The following BAHD1 variants were observed in gnomAD, a reference collection of about 807,000 sequenced individuals.
The protein encoded by BAHD1 is bromo adjacent homology domain containing 1.
In BAHD1, 20 loss-of-function variants were observed where a neutral mutation model predicts 63.1. The ratio of observed to expected loss-of-function variants is 0.32; its 90% CI spans 0.22 to 0.46. The LOEUF (loss-of-function observed/expected upper bound fraction) is 0.46. Among genes scored for constraint, BAHD1 ranks in the 20% least tolerant of loss-of-function variants. The pLI is 1.00. For synonymous variants in BAHD1, 408 were observed against 426.8 expected (o/e 0.96, Z 0.54); for missense variants, 939 against 1,071.8 (o/e 0.88, Z 1.73).
chr15:40,440,675 C>A (rs973113428), upstream of BAHD1, among the ~76,000 whole-genome samples: 6 of 152,134 alleles, frequency 3.9e-5, no homozygotes, highest in Non-Finnish European at 7.4e-5. Context: ...CAAAGAAAAT[C>A]ACCCCTTGCC....
In BAHD1 at chr15:40,459,302, G is replaced by C. The variant is rs1477710315; in HGVS notation, c.838G>C (p.Asp280His). 6.2e-7 allele frequency: 1 copy of C among 1,613,050 alleles called. No individual in the cohort carries two copies. The highest frequency in any genetic ancestry group is 1.7e-5 in the Admixed American group (1 of 60,024). The change falls in exon 2 of 7, where the codon GAT becomes CAT. Residue 280 changes from aspartate to histidine, a missense_variant. By Grantham distance (81) the Asp-to-His change is moderately conservative. This residue lies in a region of BAHD1 where 797 missense variants were observed against 813.3 expected (regional missense o/e 0.98). Coordinates refer to ENST00000416165, the MANE Select transcript of BAHD1 (RefSeq NM_014952.5). ...CCCACCTGGCTGGCAAGGCTGCCCTGATGAACCATGGCCATCTGCAACTCC... is the reference window on the plus strand; with the variant it reads ...CCCACCTGGCTGGCAAGGCTGCCCTCATGAACCATGGCCATCTGCAACTCC... ...AGPPGWQGCP[D>H]EPWPSATPCG...
At chr15:40,456,675 G>A (rs1300253831) in intron 1 of BAHD1, among the ~76,000 whole-genome samples, 1 of 152,254 alleles carries the variant, frequency 6.6e-6, no homozygotes, top group Non-Finnish European at 1.5e-5. Flanking sequence ...AAAGATTCAG[G>A]AATCCCTGGG....
At chr15:40,455,431 G>A (rs1893820390) in intron 1 of BAHD1, among the ~76,000 whole-genome samples, 1 of 152,176 alleles carries the variant, frequency 6.6e-6, no homozygotes, top group East Asian at 1.9e-4. Context: ...TGTAGTCAAG[G>A]CACTGACTCC....
In BAHD1 at chr15:40,448,228, C is replaced by A. The variant is rs186784553; in HGVS notation, c.-15+6960C>A. ...CTGCACTCTAGCCTGGATGACAGAG[C>A]AAGACTCCATCTCAAAAAAAAAAAA... is the stretch of plus-strand genomic sequence containing the variant. On this transcript the variant is annotated intron_variant, in intron 1 of 6. Coordinates refer to ENST00000416165, the MANE Select transcript of BAHD1 (RefSeq NM_014952.5). Among the ~76,000 whole-genome samples the A allele has an allele frequency of 7.3e-3, 1,080 of 148,120 alleles. 11 individuals are homozygous for A. The highest frequency in any genetic ancestry group is 0.025 in the African/African-American group (1,002 of 40,038).
Position 40,459,903 on chromosome 15 carries a change from C to T in BAHD1, c.1432+7C>T. On this transcript the variant is annotated splice_region_variant and intron_variant, in intron 2 of 6. Coordinates refer to ENST00000416165, the MANE Select transcript of BAHD1 (RefSeq NM_014952.5). The stretch of plus-strand genomic sequence containing the variant: ...AAAATGCCTTTTGCAGCAGGTGAGG[C>T]TTCCTGGGCCCAAGATGTACTGGGG... 2 of 1,567,358 alleles carry T rather than the reference C, an allele frequency of 1.3e-6. No individual in the cohort carries two copies.
At chr15:40,441,707 G>A (rs1334273864) in intron 1 of BAHD1, among the ~76,000 whole-genome samples, 1 of 148,700 alleles carries the variant, frequency 6.7e-6, no homozygotes, top group Non-Finnish European at 1.5e-5. Flanking sequence ...GAGTGCGCGG[G>A]CGGCGAGGCC....
intron 2 of BAHD1, 145 bp from the exon 3 acceptor site, chr15:40,461,767 C>T (rs1490359621): frequency 1.1e-6 from 1 of 938,106 alleles, no homozygotes; most frequent in Non-Finnish European, 1.5e-6. Context: ...TCTGACAGTC[C>T]ACCATAAAAA....
chr15:40,462,013 C>T lies in BAHD1; in HGVS notation c.1534C>T (p.Pro512Ser). 3 of 1,613,796 alleles carry T rather than the reference C, an allele frequency of 1.9e-6. No individual in the cohort carries two copies. Among genetic ancestry groups the T allele is most frequent in the Non-Finnish European group, 2.5e-6 (3 of 1,179,990 alleles). The change falls in exon 3 of 7, where the codon CCA becomes TCA. Residue 512 changes from proline (P) to serine (S), a missense_variant. Physicochemically the swap from Pro to Ser is moderately conservative, Grantham distance 74. Coordinates refer to ENST00000416165, the MANE Select transcript of BAHD1 (RefSeq NM_014952.5). ...PLLGCPVPSV[P>S]PAAEPVPHLQ... ...CCTGGGGTGCCCTGTACCCAGTGTG[C>T]CACCTGCAGCAGAGCCCGTCCCCCA...
intron 1 of BAHD1, among the ~76,000 whole-genome samples, chr15:40,456,656 C>T (rs983607871): frequency 6.6e-6 from 1 of 152,260 alleles, no homozygotes; most frequent in African/African-American, 2.4e-5. Context: ...GCCATGGGAG[C>T]TAACAGGGAA....
At chr15:40,453,661 TA>T (rs1893768419) in intron 1 of BAHD1, 1 of 152,080 alleles carries the variant, frequency 6.6e-6, no homozygotes, top group Admixed American at 6.6e-5. Flanking sequence ...TCATTAAAAA[TA>T]AACCGGGCTA....
At chr15:40,463,839 G>T (rs750858648) in intron 3 of BAHD1, 22 bp from the exon 4 acceptor site, 1 of 1,613,620 alleles carries the variant, frequency 6.2e-7, no homozygotes, top group Non-Finnish European at 8.5e-7. Flanking sequence ...AAGCCTATTT[G>T]TGTCATTGGT....
chr15:40,463,519 T>C (rs1234297747), intron 3 of BAHD1, among the ~76,000 whole-genome samples: 1 of 152,228 alleles, frequency 6.6e-6, no homozygotes, highest in African/African-American at 2.4e-5. Flanking sequence ...GTGCCCCTTA[T>C]AACAGTGGTT....
At chr15:40,449,948 G>A (rs1893655768) in intron 1 of BAHD1, among the ~76,000 whole-genome samples, 1 of 152,342 alleles carries the variant, frequency 6.6e-6, no homozygotes, top group South Asian at 2.1e-4. Context: ...GACTCCTGGG[G>A]ATGGAGGAGA....
rs1017631350 is a variant in BAHD1 at position 40,465,889 on chromosome 15, T to A, written c.2154-52T>A. ...TAGGGTAGGGTAGGGAAGGAATTGG[T>A]CTTCCTGCAAAAGTGGCTGGAGTAA... On this transcript the variant is annotated intron_variant, in intron 6 of 6. Transcript: ENST00000416165. 9.2e-6 allele frequency: 14 copies of A among 1,517,560 alleles called. No homozygotes were observed. In the Admixed American group the frequency reaches 3.0e-4, roughly 33 times the overall value. The allele number at this position is 1,517,560 out of a possible 1,614,324, so 94.0% of individuals were successfully genotyped here. A position where few individuals can be genotyped will look rare whatever the true frequency, so the allele number is the denominator to read the frequency against.
chr15:40,465,570 G>A (rs549241276), intron 6 of BAHD1, 135 bp downstream of exon 6: 1 of 723,852 alleles, frequency 1.4e-6, no homozygotes, highest in Non-Finnish European at 2.3e-6. Context: ...TAATCTCCCA[G>A]AACTTACTTC....
At chr15:40,438,113 G>A (rs1171802193), upstream of BAHD1, among the ~76,000 whole-genome samples, 1 of 152,194 alleles carries the variant, frequency 6.6e-6, no homozygotes, top group Non-Finnish European at 1.5e-5. Context: ...AACATACCAG[G>A]GAGAGGAAAG....
intron 1 of BAHD1, among the ~76,000 whole-genome samples, chr15:40,448,085 T>A (rs1162317824): frequency 6.6e-6 from 1 of 151,936 alleles, no homozygotes; most frequent in East Asian, 1.9e-4. Context: ...CTACTAAAAA[T>A]ACAAAAATTA....
intron 2 of BAHD1, among the ~76,000 whole-genome samples, chr15:40,460,666 C>T (rs1348423411): frequency 6.6e-6 from 1 of 152,208 alleles, no homozygotes; most frequent in Non-Finnish European, 1.5e-5. Flanking sequence ...GTATCCTCAC[C>T]TGCCTCTTCA....
rs976481347 is a variant in BAHD1 at position 40,464,112 on chromosome 15, C to T, written c.1975+92C>T. The T allele has an allele frequency of 1.1e-5, 16 of 1,414,284 alleles. No individual in the cohort carries two copies. The African/African-American group carries it at 1.6e-4, about 14-fold the overall frequency. 87.6% of individuals were successfully genotyped at this position (1,414,284 alleles called of 1,614,324 possible). A position where few individuals can be genotyped will look rare whatever the true frequency, so the allele number is the denominator to read the frequency against. On this transcript the variant is annotated intron_variant, in intron 4 of 6. Transcript: ENST00000416165. The stretch of plus-strand genomic sequence containing the variant: ...GGCCCCTGCCTGGAGTTTGACCTGG[C>T]GTGAGTCTCCCCGTGTTCCTGGCAC...
Sources: allele counts gnomAD v4.1 joint callset (sites outside exome capture counted in the v4.1 genomes callset), GRCh38; gene constraint gnomAD v4.1.1; regional missense constraint gnomAD v4.1.1; transcripts MANE v1.5; gene names NCBI Gene and HGNC (gene_info 2026-07-23, HGNC 2026-07-21).